Variants in CDH18 observed in about 807,000 individuals in gnomAD.
The protein encoded by CDH18 is cadherin 18, also known as cadherin-18.
CDH18 carries 31 observed loss-of-function variants against 67.9 expected under a neutral mutation model. That is an observed-to-expected ratio of 0.46 (90% CI 0.34 to 0.62). The LOEUF is 0.62. Among genes scored for constraint, CDH18 ranks in the 20% least tolerant of loss-of-function variants. CDH18 has a pLI of 0.01. For missense variants in CDH18, 890 were observed against 975.5 expected (o/e 0.91, Z 1.17); for synonymous variants, 362 against 347.2 (o/e 1.04, Z -0.48).
intron 1 of CDH18, among the ~76,000 whole-genome samples, chr5:20,330,528 G>A (rs1157370860): frequency 6.6e-6 from 1 of 152,078 alleles, no homozygotes; most frequent in Non-Finnish European, 1.5e-5. Context: ...TAGGCGAGTG[G>A]GCTCATGCAT....
chr5:19,801,366 T>A (rs1777453564), intron 3 of CDH18, among the ~76,000 whole-genome samples: 1 of 152,174 alleles, frequency 6.6e-6, no homozygotes, highest in Admixed American at 6.6e-5. Context: ...CTGTCAAAGG[T>A]CTGTGTCACT....
intron 3 of CDH18, among the ~76,000 whole-genome samples, chr5:19,761,882 A>G (rs966970056): frequency 1.3e-5 from 2 of 152,348 alleles, no homozygotes; most frequent in Non-Finnish European, 2.9e-5. Flanking sequence ...TGGTACTGGT[A>G]CCAAAACAGA....
intron 1 of CDH18, among the ~76,000 whole-genome samples, chr5:20,422,941 C>T (rs1459759663): frequency 4.0e-5 from 6 of 151,122 alleles, no homozygotes; most frequent in Non-Finnish European, 8.8e-5. Flanking sequence ...AAAGTTACTA[C>T]ATGGCACAGG....
At chr5:20,059,012 T>C (rs1341505445) in intron 2 of CDH18, among the ~76,000 whole-genome samples, 1 of 152,174 alleles carries the variant, frequency 6.6e-6, no homozygotes, top group Non-Finnish European at 1.5e-5. Context: ...TCAGGGATTG[T>C]TATTGATCTA....
intron 4 of CDH18, among the ~76,000 whole-genome samples, chr5:19,736,836 C>T (rs1234697461): frequency 1.3e-5 from 2 of 152,142 alleles, no homozygotes; most frequent in Admixed American, 1.3e-4. Context: ...GGCCATTTAG[C>T]TTGTGCAGGA....
At chr5:20,360,604 A>C (rs965822590) in intron 1 of CDH18, among the ~76,000 whole-genome samples, 2 of 152,168 alleles carry the variant, frequency 1.3e-5, no homozygotes, top group African/African-American at 4.8e-5. Flanking sequence ...ATTGAATCCA[A>C]GCAATAGCCT....
chr5:19,623,544 A>G (rs1459319598), intron 5 of CDH18, among the ~76,000 whole-genome samples: 1 of 152,110 alleles, frequency 6.6e-6, no homozygotes, highest in Non-Finnish European at 1.5e-5. Flanking sequence ...ATATAGACAT[A>G]TGATGCTTAT....
chr5:19,565,423 C>T (rs1389002156), intron 8 of CDH18, among the ~76,000 whole-genome samples: 3 of 152,186 alleles, frequency 2.0e-5, no homozygotes, highest in Non-Finnish European at 4.4e-5. Context: ...AGGGAATTAT[C>T]TTAGATTTTA....
chr5:20,215,641 TA>T (rs201763177), intron 2 of CDH18, among the ~76,000 whole-genome samples: 1,642 of 152,054 alleles, frequency 0.011, 31 homozygotes, highest in African/African-American at 0.037. Context: ...CCTTTGGGAA[TA>T]CAAATCATTG....
chr5:20,220,167 C>A (rs776888295), intron 2 of CDH18, among the ~76,000 whole-genome samples: 6 of 151,872 alleles, frequency 4.0e-5, no homozygotes, highest in African/African-American at 1.4e-4. Context: ...ATAGCCAAAG[C>A]TATTCTGAGC....
At chr5:19,813,141 C>T (rs114116851) in intron 3 of CDH18, among the ~76,000 whole-genome samples, 156 of 151,886 alleles carry the variant, frequency 1.0e-3, no homozygotes, top group East Asian at 3.7e-3. Flanking sequence ...GGCCTGTTGA[C>T]GGGTGGGGGA....
chr5:20,330,396 T>C (rs1167913287), intron 1 of CDH18, among the ~76,000 whole-genome samples: 1 of 151,780 alleles, frequency 6.6e-6, no homozygotes, highest in Admixed American at 6.6e-5. Flanking sequence ...GGTCAGGAGG[T>C]TGTTAAACTG....
rs985903751 is a variant in CDH18, at chr5:20,280,968, G to C, written c.-579-25463C>G. 8.5e-4 allele frequency among the ~76,000 whole-genome samples: 130 copies of C among 152,280 alleles called. 1 individual carries two copies. Among genetic ancestry groups the C allele is most frequent in the African/African-American group, 3.1e-3 (129 of 41,564 alleles). On this transcript the variant is annotated intron_variant, in intron 1 of 14. Transcript: ENST00000507958. ...TTTCTCTGATGGCCAGTGATGATGA[G>C]CATTTTTTCATGTGTTTTTGGCTGC...
intron 2 of CDH18, among the ~76,000 whole-genome samples, chr5:19,973,168 G>A (rs762981248): frequency 2.0e-5 from 3 of 152,028 alleles, no homozygotes; most frequent in East Asian, 1.9e-4. Context: ...AAAAGCCAAT[G>A]GAAAAACACT....
At chr5:20,212,432 C>G (rs1740425848) in intron 2 of CDH18, among the ~76,000 whole-genome samples, 1 of 151,986 alleles carries the variant, frequency 6.6e-6, no homozygotes, top group Non-Finnish European at 1.5e-5. Flanking sequence ...CAGAGAATGC[C>G]ACAAAGATAC....
At chr5:20,177,976 G>A (rs563239859) in intron 2 of CDH18, among the ~76,000 whole-genome samples, 54 of 152,058 alleles carry the variant, frequency 3.6e-4, no homozygotes, top group African/African-American at 9.4e-4. Flanking sequence ...ACCAGTCTTC[G>A]GTATGTCTTT....
intron 1 of CDH18, among the ~76,000 whole-genome samples, chr5:20,412,440 C>A (rs1388421147): frequency 6.6e-6 from 1 of 152,174 alleles, no homozygotes; most frequent in Non-Finnish European, 1.5e-5. Flanking sequence ...TGGACATTGG[C>A]ATAGGCAAAT....
chr5:20,208,540 T>A (rs1282659311), intron 2 of CDH18, among the ~76,000 whole-genome samples: 2 of 152,052 alleles, frequency 1.3e-5, no homozygotes, highest in East Asian at 3.9e-4. Context: ...AAATGTAGAC[T>A]CTGATCACTC....
chr5:19,941,750 GCACAC>G (rs915627185), intron 2 of CDH18, among the ~76,000 whole-genome samples: 2 of 151,880 alleles, frequency 1.3e-5, no homozygotes, highest in African/African-American at 4.8e-5. Flanking sequence ...TTGTGTCACT[GCACAC>G]CATCCTGGGT....
Sources: allele counts gnomAD v4.1 joint callset (sites outside exome capture counted in the v4.1 genomes callset), GRCh38; gene constraint gnomAD v4.1.1; transcripts MANE v1.5; gene names NCBI Gene and HGNC (gene_info 2026-07-23, HGNC 2026-07-21).